The following VPS13D variants were observed in gnomAD, a reference collection of about 807,000 sequenced individuals.
The protein encoded by VPS13D is intermembrane lipid transfer protein VPS13D.
Under a neutral mutation model 461.9 loss-of-function variants are expected in VPS13D, and 187 were observed. That is an observed-to-expected ratio of 0.40 (90% confidence interval 0.36 to 0.46). The LOEUF is 0.46. VPS13D is among the 20% of genes least tolerant of loss of function. The pLI is 0.60. For synonymous variants in VPS13D, 1,951 were observed against 1,986.3 expected (o/e 0.98, Z 0.47); for missense variants, 4,711 against 5,364.9 (o/e 0.88, Z 3.81).
At chr1:12,382,936 T>C in intron 57 of VPS13D, 40 bp from the exon 58 acceptor site, 2 of 1,569,444 alleles carry the variant, frequency 1.3e-6, no homozygotes, top group Non-Finnish European at 1.7e-6. Flanking sequence ...AGTCAGTGCC[T>C]CTGTCTTTTC....
intron 58 of VPS13D, among the ~76,000 whole-genome samples, chr1:12,384,091 CAG>C (rs1644318774): frequency 6.6e-6 from 1 of 152,160 alleles, no homozygotes; most frequent in African/African-American, 2.4e-5. Flanking sequence ...TGTAGAGAAG[CAG>C]AGTGGGGCAA....
Position 12,374,912 on chromosome 1 carries a change from A to AT in VPS13D, c.10917+1059dup, listed in dbSNP as rs534631834. ...ACCACCACACCCAACTAATTCTTGT[A>AT]TTTTTAGTAGAGACGGGGTTTCGCC... On this transcript the variant is annotated intron_variant, in intron 55 of 69. Transcript: ENST00000620676. 2.4e-4 allele frequency among the ~76,000 whole-genome samples: 37 copies of AT among 152,202 alleles called. 1 individual carries two copies. In the South Asian group the frequency reaches 4.8e-3, roughly 20 times the overall value.
At chr1:12,232,150 T>C (rs1639999130) in intron 1 of VPS13D, among the ~76,000 whole-genome samples, 1 of 144,204 alleles carries the variant, frequency 6.9e-6, no homozygotes, top group Non-Finnish European at 1.5e-5. Flanking sequence ...ATATTCCATT[T>C]GCAGAAAAAA....
At chr1:12,325,171 C>T (rs1025500688) in intron 35 of VPS13D, among the ~76,000 whole-genome samples, 1 of 152,144 alleles carries the variant, frequency 6.6e-6, no homozygotes, top group African/African-American at 2.4e-5. Flanking sequence ...TAGCTCACTG[C>T]AGCCTCCAAC....
At chr1:12,354,642 A>G (rs967236349) in intron 47 of VPS13D, among the ~76,000 whole-genome samples, 4 of 152,224 alleles carry the variant, frequency 2.6e-5, no homozygotes, top group African/African-American at 7.2e-5. Context: ...TACATGATGT[A>G]TGATTGTAGG....
chr1:12,276,267 A>G lies in VPS13D; in HGVS notation c.2679A>G (p.Ala893=). 1.2e-6 allele frequency: 2 copies of G among 1,614,204 alleles called. No individual in the cohort carries two copies. Among genetic ancestry groups the G allele is most frequent in the Non-Finnish European group, 1.7e-6 (2 of 1,180,030 alleles). The part of the protein sequence containing the change: ...KIHINEDKIS[A]LKNCFALLTT... ...ACATTAATGAAGATAAAATATCTGC[A>G]CTAAAGAATTGCTTTGCTCTCCTCA... Residue 893 remains alanine (A), a synonymous_variant, in exon 19 of 70, where the codon GCA becomes GCG. Transcript: ENST00000620676. This position sits in a 1 kb window ranked among gnomAD's most constrained non-coding sequence, Gnocchi z 4.5.
chr1:12,264,825 A>G (rs1331725421), intron 13 of VPS13D, among the ~76,000 whole-genome samples: 1 of 152,236 alleles, frequency 6.6e-6, no homozygotes, highest in Non-Finnish European at 1.5e-5. Context: ...TGTAGATGAA[A>G]AGGCCTTCTA....
chr1:12,363,015 A>G, intron 51 of VPS13D, 57 bp from the exon 52 acceptor site: 2 of 1,599,758 alleles, frequency 1.3e-6, no homozygotes, highest in Non-Finnish European at 8.5e-7. Flanking sequence ...GTACTCAGTA[A>G]CACTTATTGT....
chr1:12,424,937 A>G (rs1431964943), intron 65 of VPS13D, among the ~76,000 whole-genome samples: 1 of 152,198 alleles, frequency 6.6e-6, no homozygotes, highest in Non-Finnish European at 1.5e-5. Flanking sequence ...ACCCTAGTGT[A>G]AACATGGTTT....
chr1:12,270,624 C>CG (rs892375445), intron 16 of VPS13D, among the ~76,000 whole-genome samples: 2 of 152,168 alleles, frequency 1.3e-5, no homozygotes, highest in African/African-American at 4.8e-5. Flanking sequence ...CTCCTCTCCC[C>CG]CCATGGCTGT....
intron 30 of VPS13D, among the ~76,000 whole-genome samples, chr1:12,317,596 A>G (rs1447108531): frequency 9.2e-5 from 14 of 151,802 alleles, no homozygotes. Flanking sequence ...AATGTCTCCA[A>G]GGGCCAGGTG....
At chr1:12,254,045 A>G (rs1307075930) in intron 7 of VPS13D, among the ~76,000 whole-genome samples, 1 of 152,188 alleles carries the variant, frequency 6.6e-6, no homozygotes, top group Non-Finnish European at 1.5e-5. Flanking sequence ...TTTTAAATTT[A>G]TACTAGACTA....
At chr1:12,508,757 C>T in intron 69 of VPS13D, 136 bp from the exon 70 acceptor site, 10 of 948,066 alleles carry the variant, frequency 1.1e-5, no homozygotes, top group Non-Finnish European at 1.4e-5. Flanking sequence ...CAGGAGCAGC[C>T]CTGGCCATCA....
At chr1:12,370,518 A>G (rs1271976743) in intron 54 of VPS13D, among the ~76,000 whole-genome samples, 1 of 152,296 alleles carries the variant, frequency 6.6e-6, no homozygotes, top group South Asian at 2.1e-4. Flanking sequence ...CCAGAAAATA[A>G]TCTCTGGGTT....
At chr1:12,318,012 G>C in intron 30 of VPS13D, 60 bp from the exon 31 acceptor site, 1 of 1,528,194 alleles carries the variant, frequency 6.5e-7, no homozygotes. Context: ...ACATTTGCAG[G>C]TTATTGAAAT....
At position 12,369,801 on chromosome 1, in the gene VPS13D, GGAA is replaced by G. The variant is rs1013972344; in HGVS notation, c.10808+102_10808+104del. Reference sequence around the variant, plus strand: ...GTTTCTTAGGAGACCAAAGTACAAAGGAAGATTCTTTCATTCTTTACCAAACCC... The same window carrying G: ...GTTTCTTAGGAGACCAAAGTACAAAGGATTCTTTCATTCTTTACCAAACCC... On this transcript the variant is annotated intron_variant, in intron 54 of 69. Transcript: ENST00000620676. 2.7e-6 allele frequency: 3 copies of G among 1,108,594 alleles called. No individual in the cohort carries two copies. In the African/African-American group the frequency reaches 4.7e-5, roughly 17 times the overall value. The allele number at this position is 1,108,594 out of a possible 1,614,324, so 68.7% of individuals were successfully genotyped here.
At chr1:12,302,513 G>T (rs1642452192) in intron 25 of VPS13D, among the ~76,000 whole-genome samples, 1 of 152,176 alleles carries the variant, frequency 6.6e-6, no homozygotes, top group African/African-American at 2.4e-5. Context: ...TCAAATAATA[G>T]CACAGAGTTT....
intron 66 of VPS13D, among the ~76,000 whole-genome samples, chr1:12,459,332 T>C (rs1459413570): frequency 1.3e-5 from 2 of 152,194 alleles, no homozygotes; most frequent in Non-Finnish European, 2.9e-5. Flanking sequence ...GTGTAGGTTA[T>C]ATGCAAACAC....
Position 12,271,025 on chromosome 1 carries a change from A to G in VPS13D, c.2004A>G (p.Arg668=). Residue 668 remains arginine, a synonymous_variant, in exon 17 of 70, where the codon AGA becomes AGG. Coordinates refer to ENST00000620676, the MANE Select transcript of VPS13D (RefSeq NM_015378.4). ...GTTATCAGTCTGAACTTGAGCTGAG[A>G]GTGGCTGAAGCTGCCCGAAGACAAT... ...GFGYQSELEL[R]VAEAARRQYN... The G allele has an allele frequency of 6.2e-7, 1 of 1,613,922 alleles. No homozygotes were observed. The highest frequency in any genetic ancestry group is 8.5e-7 in the Non-Finnish European group (1 of 1,179,882).
Sources: allele counts gnomAD v4.1 joint callset (sites outside exome capture counted in the v4.1 genomes callset), GRCh38; gene constraint gnomAD v4.1.1; non-coding constraint Gnocchi (gnomAD v3.1); transcripts MANE v1.5; gene names NCBI Gene and HGNC (gene_info 2026-07-23, HGNC 2026-07-21).